GMPS: variants seen among roughly 807,000 people sequenced by gnomAD.
The protein encoded by GMPS is guanosine monophosphate synthase.
A neutral mutation model predicts 77.9 loss-of-function variants in GMPS; 15 were observed. That is an observed-to-expected ratio of 0.19 (90% CI 0.13 to 0.30). The LOEUF (loss-of-function observed/expected upper bound fraction) is 0.30. Among genes scored for constraint, GMPS ranks in the 10% least tolerant of loss-of-function variants. The probability of loss-of-function intolerance (pLI) is 1.00; values close to 1 mark genes in which losing one functional copy is unlikely to be tolerated. For synonymous variants in GMPS, 224 were observed against 275.9 expected (o/e 0.81, Z 1.86); for missense variants, 590 against 838.8 (o/e 0.70, Z 3.66).
intron 5 of GMPS, among the ~76,000 whole-genome samples, chr3:155,908,268 C>A (rs1467904647): frequency 6.6e-6 from 1 of 152,174 alleles, no homozygotes; most frequent in African/African-American, 2.4e-5. Flanking sequence ...CAGGGTGGGG[C>A]CACAGGAAGT....
At chr3:155,885,726 T>G (rs1440408252) in intron 1 of GMPS, among the ~76,000 whole-genome samples, 1 of 152,212 alleles carries the variant, frequency 6.6e-6, no homozygotes, top group African/African-American at 2.4e-5. Flanking sequence ...TGTTTCAGAT[T>G]TTTGGATTAA....
At chr3:155,923,719 AG>A (rs1298239257) in intron 11 of GMPS, among the ~76,000 whole-genome samples, 1 of 152,246 alleles carries the variant, frequency 6.6e-6, no homozygotes, top group Non-Finnish European at 1.5e-5. Flanking sequence ...AAGAAACTAA[AG>A]GCAATGATTT....
chr3:155,885,806 A>G (rs1323320294), intron 1 of GMPS, among the ~76,000 whole-genome samples: 4 of 152,128 alleles, frequency 2.6e-5, no homozygotes, highest in African/African-American at 9.7e-5. Flanking sequence ...CTACTTACAC[A>G]TAGGGTTTTG....
chr3:155,918,788 A>C (rs1755247808), intron 9 of GMPS, among the ~76,000 whole-genome samples: 1 of 151,954 alleles, frequency 6.6e-6, no homozygotes, highest in Non-Finnish European at 1.5e-5. Context: ...TTTATTATTG[A>C]GTTGTAAATG....
intron 5 of GMPS, among the ~76,000 whole-genome samples, chr3:155,907,718 G>A (rs942717273): frequency 1.3e-5 from 2 of 152,186 alleles, no homozygotes; most frequent in African/African-American, 4.8e-5. Flanking sequence ...AAAAAATGGG[G>A]GAAGAGGGTA....
At chr3:155,920,794 G>A (rs1050760086) in intron 10 of GMPS, among the ~76,000 whole-genome samples, 2 of 152,118 alleles carry the variant, frequency 1.3e-5, no homozygotes, top group African/African-American at 4.8e-5. Context: ...TATTCTAAAG[G>A]TAAAGAATGG....
chr3:155,901,865 T>C (rs193277646), intron 3 of GMPS, among the ~76,000 whole-genome samples: 106 of 152,264 alleles, frequency 7.0e-4, no homozygotes, highest in African/African-American at 2.5e-3. Context: ...TTCCCAACTA[T>C]ATATATTGCA....
intron 8 of GMPS, 126 bp from the exon 9 acceptor site, chr3:155,915,893 G>A: frequency 1.5e-6 from 1 of 647,710 alleles, no homozygotes; most frequent in East Asian, 2.7e-5. Flanking sequence ...TTATTTTGGA[G>A]ATTGGTGGAT....
chr3:155,928,019 C>CTTTTTTTTTTTTT (rs35962523), intron 12 of GMPS, among the ~76,000 whole-genome samples: 3 of 67,842 alleles, frequency 4.4e-5, no homozygotes, highest in African/African-American at 6.4e-5. Context: ...GCATTTTACA[C>CTTTTTTTTTTTTT]TTTTTTTTTT....
chr3:155,897,217 T>C (rs1754624885), intron 2 of GMPS, among the ~76,000 whole-genome samples: 1 of 152,134 alleles, frequency 6.6e-6, no homozygotes, highest in African/African-American at 2.4e-5. Flanking sequence ...CCAGTGTAGA[T>C]GTATTAGTGG....
At position 155,940,740 on chromosome 3, in the gene GMPS, GT is replaced by G. The variant is rs77440100; in HGVS notation, c.*3066del. On this transcript the variant is annotated 3_prime_UTR_variant, in exon 16 of 16. Coordinates refer to ENST00000496455, the MANE Select transcript of GMPS (RefSeq NM_003875.3). Reference sequence around the variant, plus strand: ...AGACAGAATGGAGAAGCTGGATAGTGTTTTTTTTTTTTTTTTTTAAGGTTCT... The same window carrying G: ...AGACAGAATGGAGAAGCTGGATAGTGTTTTTTTTTTTTTTTTTAAGGTTCT... The G allele has an allele frequency of 0.022, 3,798 of 174,916 alleles. 56 individuals carry two copies. The highest frequency in any genetic ancestry group is 0.049 in the African/African-American group (1,907 of 39,206). 10.8% of individuals were successfully genotyped at this position (174,916 alleles called of 1,614,324 possible).
At position 155,870,851 on chromosome 3, in the gene GMPS, C is replaced by A; in HGVS notation, c.-20C>A. ...TCTCGTACTGTCGCCGTCACCGCCG[C>A]GGCTCCGGCCCTGGCCCCGATGGCT... On this transcript the variant is annotated 5_prime_UTR_variant, in exon 1 of 16. Coordinates refer to ENST00000496455, the MANE Select transcript of GMPS (RefSeq NM_003875.3). The A allele has an allele frequency of 6.7e-7, 1 of 1,492,396 alleles. No homozygotes were observed. 92.4% of individuals were successfully genotyped at this position (1,492,396 alleles called of 1,614,324 possible).
rs913724678 is a variant in GMPS at position 155,939,913 on chromosome 3, C to T, written c.*2221C>T. The T allele has an allele frequency of 1.1e-4, 22 of 202,290 alleles. No individual in the cohort carries two copies. The highest frequency in any genetic ancestry group is 5.0e-4 in the African/African-American group (22 of 43,702). 12.5% of individuals were successfully genotyped at this position (202,290 alleles called of 1,614,324 possible). A position where few individuals can be genotyped will look rare whatever the true frequency, so the allele number is the denominator to read the frequency against. On this transcript the variant is annotated 3_prime_UTR_variant, in exon 16 of 16. Transcript: ENST00000496455. ...CACTTCCATTTTACAGTTAAGAAAA[C>T]AAGCTCACCTTAGGCATGGTTACTT...
rs369040787 is a variant in GMPS, at chr3:155,930,897, C to T, written c.1561-868C>T. On this transcript the variant is annotated intron_variant, in intron 12 of 15. Transcript: ENST00000496455. ...AGTACAGTGGCATGATCACTGCTCA[C>T]GATAGCCTCGACCTCGTTGGGCTCA... Among the ~76,000 whole-genome samples, 660 of 152,240 alleles carry T rather than the reference C, an allele frequency of 4.3e-3. 3 individuals are homozygous for T. The highest frequency in any genetic ancestry group is 0.041 in the Middle Eastern group (12 of 294).
intron 6 of GMPS, 29 bp downstream of exon 6, chr3:155,910,914 A>G (rs1424122042): frequency 1.4e-6 from 2 of 1,425,276 alleles, no homozygotes; most frequent in South Asian, 1.3e-5. Flanking sequence ...GGAAGTCTAC[A>G]AATTTATATC....
At chr3:155,885,810 G>GGTTTT (rs1331325915) in intron 1 of GMPS, among the ~76,000 whole-genome samples, 126 of 152,188 alleles carry the variant, frequency 8.3e-4, no homozygotes, top group African/African-American at 2.9e-3. Context: ...TTACACATAG[G>GGTTTT]GTTTTGTTTT....
intron 1 of GMPS, among the ~76,000 whole-genome samples, chr3:155,878,731 G>A (rs1754124725): frequency 6.6e-6 from 1 of 152,194 alleles, no homozygotes; most frequent in Non-Finnish European, 1.5e-5. Flanking sequence ...TAGGGGAATT[G>A]GCTGACGCGA....
Position 155,896,033 on chromosome 3 carries a change from G to A in GMPS, c.210-1894G>A, listed in dbSNP as rs1009001319. Reference sequence around the variant, plus strand: ...TGTTTTTGTTTTTTTTTTTTGAGACGGAGTCTCGCTCTGTCACCCAGGCTG... The same window carrying A: ...TGTTTTTGTTTTTTTTTTTTGAGACAGAGTCTCGCTCTGTCACCCAGGCTG... On this transcript the variant is annotated intron_variant, in intron 2 of 15. Coordinates refer to ENST00000496455, the MANE Select transcript of GMPS (RefSeq NM_003875.3). Among the ~76,000 whole-genome samples the A allele has an allele frequency of 2.7e-5, 4 of 149,216 alleles. No homozygotes were observed. The South Asian group carries it at 8.5e-4, about 32-fold the overall frequency.
intron 1 of GMPS, among the ~76,000 whole-genome samples, chr3:155,890,916 G>A (rs1386253346): frequency 6.6e-6 from 1 of 152,148 alleles, no homozygotes; most frequent in Non-Finnish European, 1.5e-5. Flanking sequence ...GCCCCGTTTG[G>A]ATTATCTGTA....
Sources: allele counts gnomAD v4.1 joint callset (sites outside exome capture counted in the v4.1 genomes callset), GRCh38; gene constraint gnomAD v4.1.1; transcripts MANE v1.5; gene names NCBI Gene and HGNC (gene_info 2026-07-23, HGNC 2026-07-21).